Variants in TRMT11 observed in about 807,000 individuals in gnomAD.
The protein encoded by TRMT11 is tRNA (guanine(10)-N(2))-methyltransferase TRMT11.
In TRMT11, 53 loss-of-function variants were observed where a neutral mutation model predicts 62.8. The observed-to-expected ratio is 0.84, with a 90% CI of 0.68 to 1.06. The LOEUF (loss-of-function observed/expected upper bound fraction) is 1.06. Ranked by LOEUF, TRMT11 falls within the 50% of genes least tolerant of loss-of-function variation. The pLI is 0.00. For synonymous variants in TRMT11, 188 were observed against 190.3 expected (o/e 0.99, Z 0.10); for missense variants, 556 against 553.4 (o/e 1.00, Z -0.05).
intron 11 of TRMT11, among the ~76,000 whole-genome samples, chr6:126,013,565 T>A (rs551192449): frequency 1.3e-5 from 2 of 152,296 alleles, no homozygotes; most frequent in South Asian, 4.1e-4. Context: ...TCAGCCTCCT[T>A]CTTTTCATCA....
intron 12 of TRMT11, among the ~76,000 whole-genome samples, chr6:126,035,416 T>C (rs559797209): frequency 2.0e-5 from 3 of 152,216 alleles, no homozygotes; most frequent in Admixed American, 6.5e-5. Flanking sequence ...TTATAAATGA[T>C]AGATGTTGTG....
chr6:126,248,002 C>A, the TRMT11 span, among the ~76,000 whole-genome samples: 1 of 151,982 alleles, frequency 6.6e-6, no homozygotes, highest in African/African-American at 2.4e-5. Context: ...CTTATTGCTT[C>A]CAATAAATGA....
intron 21 of TRMT11, among the ~76,000 whole-genome samples, chr6:126,165,476 C>T (rs1355472134): frequency 6.6e-6 from 1 of 152,056 alleles, no homozygotes; most frequent in Non-Finnish European, 1.5e-5. Flanking sequence ...GGCAGGCCGG[C>T]TTGTGACAAA....
chr6:126,053,644 C>T (rs1776281172), intron 17 of TRMT11, among the ~76,000 whole-genome samples: 1 of 152,082 alleles, frequency 6.6e-6, no homozygotes, highest in African/African-American at 2.4e-5. Flanking sequence ...CACATTTTCC[C>T]CTCCCCTCTG....
At position 126,008,486 on chromosome 6, in the gene TRMT11, A is replaced by C; in HGVS notation, c.760+14A>C. On this transcript the variant is annotated intron_variant, in intron 8 of 12. Transcript: ENST00000334379. Reference sequence around the variant, plus strand: ...TTCATGGCTTGGGTGAGTAGAGATTATAGACAGTATTATAGTCATTGCTGT... The same window carrying C: ...TTCATGGCTTGGGTGAGTAGAGATTCTAGACAGTATTATAGTCATTGCTGT... The C allele has an allele frequency of 1.2e-6, 2 of 1,603,422 alleles. No homozygotes were observed. The highest frequency in any genetic ancestry group is 1.7e-6 in the Non-Finnish European group (2 of 1,170,562).
intron 11 of TRMT11, among the ~76,000 whole-genome samples, chr6:126,019,746 CG>C (rs1324961628): frequency 6.6e-6 from 1 of 152,030 alleles, no homozygotes; most frequent in African/African-American, 2.4e-5. Flanking sequence ...ACTCCAGCCT[CG>C]GCAACAGAGC....
At chr6:126,030,475 T>C (rs1357558506) in intron 12 of TRMT11, among the ~76,000 whole-genome samples, 1 of 152,228 alleles carries the variant, frequency 6.6e-6, no homozygotes, top group East Asian at 1.9e-4. Context: ...ATGTATATCA[T>C]AGCTTTAATC....
At chr6:126,047,875 C>T (rs1160065948) in intron 16 of TRMT11, among the ~76,000 whole-genome samples, 2 of 152,228 alleles carry the variant, frequency 1.3e-5, no homozygotes, top group African/African-American at 4.8e-5. Context: ...AGCCAGCTAG[C>T]CTGCTGTTCC....
At chr6:126,089,813 T>A (rs1777254229) in intron 17 of TRMT11, among the ~76,000 whole-genome samples, 1 of 152,246 alleles carries the variant, frequency 6.6e-6, no homozygotes, top group Admixed American at 6.5e-5. Flanking sequence ...CTTGTAAAAT[T>A]TCACAGAAAA....
chr6:126,144,310 G>C (rs1296530173), intron 21 of TRMT11, among the ~76,000 whole-genome samples: 1 of 152,184 alleles, frequency 6.6e-6, no homozygotes. Context: ...ATCCAAATTG[G>C]AGGTTCTTAT....
chr6:126,109,830 T>G (rs1451853867), intron 17 of TRMT11, among the ~76,000 whole-genome samples: 2 of 152,186 alleles, frequency 1.3e-5, no homozygotes, highest in African/African-American at 2.4e-5. Flanking sequence ...TAAGTATTGC[T>G]TAATGTCTTG....
chr6:126,067,044 A>G (rs892701137), intron 17 of TRMT11, among the ~76,000 whole-genome samples: 2 of 152,116 alleles, frequency 1.3e-5, no homozygotes, highest in Non-Finnish European at 2.9e-5. Context: ...CCTGACCAAC[A>G]TGGTGAAACC....
At chr6:126,113,640 A>G (rs900832551) in intron 18 of TRMT11, among the ~76,000 whole-genome samples, 5 of 152,092 alleles carry the variant, frequency 3.3e-5, no homozygotes, top group African/African-American at 1.2e-4. Flanking sequence ...GTGATGATCT[A>G]TATAGATATA....
At chr6:126,268,567 T>G in the TRMT11 span, among the ~76,000 whole-genome samples, 1 of 152,174 alleles carries the variant, frequency 6.6e-6, no homozygotes, top group Non-Finnish European at 1.5e-5. Flanking sequence ...GAAGAATTTG[T>G]TCCATGAATG....
At chr6:126,092,874 C>T (rs551871912) in intron 17 of TRMT11, among the ~76,000 whole-genome samples, 61 of 152,226 alleles carry the variant, frequency 4.0e-4, no homozygotes, top group African/African-American at 1.4e-3. Flanking sequence ...TACTTTTAAT[C>T]TGTGACTCAG....
the TRMT11 span, among the ~76,000 whole-genome samples, chr6:126,260,107 T>C: frequency 7.2e-5 from 11 of 152,222 alleles, no homozygotes; most frequent in Non-Finnish European, 1.6e-4. Flanking sequence ...ATTTTGTTAA[T>C]TGTTTTATTG....
At chr6:126,071,469 C>T (rs1019657517) in intron 17 of TRMT11, among the ~76,000 whole-genome samples, 2 of 151,470 alleles carry the variant, frequency 1.3e-5, no homozygotes, top group Non-Finnish European at 2.9e-5. Context: ...TTCAGTAACT[C>T]AATCAGAGAA....
chr6:126,251,993 G>A, the TRMT11 span, among the ~76,000 whole-genome samples: 2 of 152,202 alleles, frequency 1.3e-5, no homozygotes, highest in African/African-American at 4.8e-5. Flanking sequence ...AACATTGAAT[G>A]CATGCATGAG....
At chr6:126,126,088 A>G (rs951700540) in intron 21 of TRMT11, among the ~76,000 whole-genome samples, 2 of 152,058 alleles carry the variant, frequency 1.3e-5, no homozygotes, top group African/African-American at 4.8e-5. Flanking sequence ...TTATAGTAAG[A>G]AAGTTTTATA....
Sources: allele counts gnomAD v4.1 joint callset (sites outside exome capture counted in the v4.1 genomes callset), GRCh38; gene constraint gnomAD v4.1.1; transcripts MANE v1.5; gene names NCBI Gene and HGNC (gene_info 2026-07-23, HGNC 2026-07-21).